QTMAN: variants seen among roughly 807,000 people sequenced by gnomAD.
The protein encoded by QTMAN is tRNA-queuosine alpha-mannosyltransferase.
chr2:144,099,651 G>A, the QTMAN span, among the ~76,000 whole-genome samples: 1 of 152,106 alleles, frequency 6.6e-6, no homozygotes, highest in Non-Finnish European at 1.5e-5. Flanking sequence ...CATGTATCCT[G>A]TACCTTGATC....
chr2:144,060,133 T>C, the QTMAN span, among the ~76,000 whole-genome samples: 3 of 152,172 alleles, frequency 2.0e-5, no homozygotes, highest in South Asian at 2.1e-4. Context: ...TTTTGATGTA[T>C]AGAGTTTGGC....
chr2:144,228,757 G>A, the QTMAN span, among the ~76,000 whole-genome samples: 92 of 152,222 alleles, frequency 6.0e-4, no homozygotes, highest in African/African-American at 2.2e-3. Flanking sequence ...TCAGGAGTTC[G>A]AGATGAGCCT....
At chr2:144,192,729 G>C in the QTMAN span, among the ~76,000 whole-genome samples, 1 of 152,232 alleles carries the variant, frequency 6.6e-6, no homozygotes, top group African/African-American at 2.4e-5. Context: ...GTTCAAGCTA[G>C]ATAATTTGCA....
chr2:144,231,237 A>G, the QTMAN span, among the ~76,000 whole-genome samples: 4,054 of 152,276 alleles, frequency 0.027, 170 homozygotes, highest in African/African-American at 0.093. Flanking sequence ...ACTATTTGTT[A>G]TTACATTACC....
chr2:144,329,539 A>G, the QTMAN span, among the ~76,000 whole-genome samples: 2 of 152,256 alleles, frequency 1.3e-5, no homozygotes, highest in East Asian at 1.9e-4. Context: ...GGGTCACTCA[A>G]TTCAGGTTGT....
At chr2:144,021,580 A>T in the QTMAN span, among the ~76,000 whole-genome samples, 1 of 152,192 alleles carries the variant, frequency 6.6e-6, no homozygotes, top group Non-Finnish European at 1.5e-5. Flanking sequence ...AAAAAAATGG[A>T]AATGATAGGT....
chr2:144,168,211 C>T, the QTMAN span, among the ~76,000 whole-genome samples: 1 of 152,156 alleles, frequency 6.6e-6, no homozygotes, highest in Non-Finnish European at 1.5e-5. Context: ...CTTCAGTCTA[C>T]TTATTTCATC....
chr2:144,036,008 T>C, the QTMAN span, among the ~76,000 whole-genome samples: 2 of 152,224 alleles, frequency 1.3e-5, no homozygotes. Context: ...TGTAATTTCC[T>C]GGTTGGTGGA....
chr2:144,182,873 TTATATATATATTTTA>T, the QTMAN span, among the ~76,000 whole-genome samples: 4 of 68,930 alleles, frequency 5.8e-5, no homozygotes, highest in African/African-American at 2.7e-4. Flanking sequence ...TATATATATA[TTATATATATATTTTA>T]TATATATATA....
chr2:143,976,674 G>A, the QTMAN span, among the ~76,000 whole-genome samples: 1 of 152,180 alleles, frequency 6.6e-6, no homozygotes, highest in African/African-American at 2.4e-5. Flanking sequence ...CGTTAATTCA[G>A]ACAGTAGTCT....
the QTMAN span, among the ~76,000 whole-genome samples, chr2:143,981,502 T>A: frequency 6.6e-6 from 1 of 152,328 alleles, no homozygotes; most frequent in African/African-American, 2.4e-5. Flanking sequence ...AGAATCTTAA[T>A]TTGAGAAGAA....
chr2:144,207,637 C>T, the QTMAN span, among the ~76,000 whole-genome samples: 1 of 151,992 alleles, frequency 6.6e-6, no homozygotes, highest in Non-Finnish European at 1.5e-5. Flanking sequence ...TGTTAATAAA[C>T]GGCAAGAACA....
the QTMAN span, among the ~76,000 whole-genome samples, chr2:144,084,011 G>A: frequency 1.3e-5 from 2 of 152,178 alleles, no homozygotes; most frequent in Non-Finnish European, 2.9e-5. Context: ...CATGTGAAGA[G>A]AAATATTTCT....
the QTMAN span, among the ~76,000 whole-genome samples, chr2:144,085,909 G>A: frequency 6.6e-6 from 1 of 152,134 alleles, no homozygotes; most frequent in East Asian, 1.9e-4. Flanking sequence ...CTCCATTTCA[G>A]TACCTTCCAA....
the QTMAN span, among the ~76,000 whole-genome samples, chr2:144,107,600 A>T: frequency 6.6e-6 from 1 of 152,186 alleles, no homozygotes; most frequent in South Asian, 2.1e-4. Context: ...TCTGAAATTG[A>T]GGCAATAATT....
the QTMAN span, among the ~76,000 whole-genome samples, chr2:144,243,145 T>G: frequency 6.6e-6 from 1 of 152,172 alleles, no homozygotes; most frequent in African/African-American, 2.4e-5. Flanking sequence ...CATTCCATTT[T>G]GTGCTGAAGA....
At chr2:144,255,776 T>C in the QTMAN span, among the ~76,000 whole-genome samples, 4 of 152,226 alleles carry the variant, frequency 2.6e-5, no homozygotes, top group Non-Finnish European at 5.9e-5. Flanking sequence ...CAAGGGTGAA[T>C]ACATGTCATT....
the QTMAN span, among the ~76,000 whole-genome samples, chr2:144,266,877 A>T: frequency 6.6e-6 from 1 of 152,318 alleles, no homozygotes; most frequent in Non-Finnish European, 1.5e-5. Context: ...TAAGTGTTTC[A>T]CAAACTATAA....
At chr2:144,097,249 T>C in the QTMAN span, among the ~76,000 whole-genome samples, 2 of 152,212 alleles carry the variant, frequency 1.3e-5, no homozygotes, top group Non-Finnish European at 2.9e-5. Context: ...CGAATTCCAA[T>C]ACTCAAATTA....
Sources: allele counts gnomAD v4.1 joint callset (sites outside exome capture counted in the v4.1 genomes callset), GRCh38; gene constraint gnomAD v4.1.1; transcripts MANE v1.5; gene names NCBI Gene and HGNC (gene_info 2026-07-23, HGNC 2026-07-21).